Variants in FGD3 observed in about 807,000 individuals in gnomAD.
The protein encoded by FGD3 is FYVE, RhoGEF and PH domain-containing protein 3.
Under a neutral mutation model 71.8 loss-of-function variants are expected in FGD3, and 45 were observed. The ratio of observed to expected loss-of-function variants is 0.63; its 90% CI spans 0.49 to 0.80. The LOEUF (loss-of-function observed/expected upper bound fraction) is 0.80. Among genes scored for constraint, FGD3 ranks in the 30% least tolerant of loss-of-function variants. FGD3 has a pLI of 0.00. For missense variants in FGD3, 844 were observed against 951.5 expected (o/e 0.89, Z 1.49); for synonymous variants, 378 against 392.8 (o/e 0.96, Z 0.44).
chr9:93,018,292 AT>A, intron 11 of FGD3, 77 bp downstream of exon 11: 1 of 1,316,266 alleles, frequency 7.6e-7, no homozygotes, highest in Non-Finnish European at 1.1e-6. Flanking sequence ...CTTGTAATAT[AT>A]TTTTATTTAT....
intron 6 of FGD3, among the ~76,000 whole-genome samples, chr9:93,006,646 G>C (rs1210713175): frequency 6.6e-6 from 1 of 152,076 alleles, no homozygotes; most frequent in African/African-American, 2.4e-5. Context: ...TGATTCACAA[G>C]GCTTTTATAT....
At chr9:92,968,137 A>G (rs1207569954) in intron 1 of FGD3, among the ~76,000 whole-genome samples, 1 of 152,112 alleles carries the variant, frequency 6.6e-6, no homozygotes, top group Admixed American at 6.5e-5. Flanking sequence ...CATCCTTGGG[A>G]GAGGTAGATA....
intron 3 of FGD3, among the ~76,000 whole-genome samples, chr9:92,996,832 G>A (rs1050843097): frequency 1.3e-5 from 2 of 152,202 alleles, no homozygotes; most frequent in Admixed American, 1.3e-4. Flanking sequence ...TTGCACTGTG[G>A]TCTGAGAGAC....
chr9:92,986,513 C>T (rs1338262233), intron 3 of FGD3, among the ~76,000 whole-genome samples: 1 of 152,218 alleles, frequency 6.6e-6, no homozygotes, highest in Non-Finnish European at 1.5e-5. Context: ...ACAAAAATAG[C>T]AGCCCTTCCA....
intron 3 of FGD3, among the ~76,000 whole-genome samples, chr9:92,991,938 GTCT>G (rs1294930718): frequency 2.0e-5 from 3 of 152,060 alleles, no homozygotes; most frequent in African/African-American, 7.2e-5. Flanking sequence ...TTGACTTGAA[GTCT>G]TCTTCGTCTG....
chr9:92,982,680 A>G (rs1860042583), intron 3 of FGD3, among the ~76,000 whole-genome samples: 1 of 151,732 alleles, frequency 6.6e-6, no homozygotes, highest in Non-Finnish European at 1.5e-5. Flanking sequence ...TGAACATTTC[A>G]GCTCTCCATA....
intron 3 of FGD3, among the ~76,000 whole-genome samples, chr9:92,978,305 A>T (rs568491828): frequency 4.1e-4 from 63 of 152,076 alleles, no homozygotes; most frequent in African/African-American, 1.4e-3. Context: ...AAAAAGAATA[A>T]ACTATATTCT....
In FGD3 at chr9:92,978,010, C is replaced by T. The variant is rs578093827; in HGVS notation, c.453+1301C>T. ...GAATAAACTATATTCTGGCTGGGCGCGGTGGCTCACGCCTATAATCCTAGC... is the reference window on the plus strand; with the variant it reads ...GAATAAACTATATTCTGGCTGGGCGTGGTGGCTCACGCCTATAATCCTAGC... On this transcript the variant is annotated intron_variant, in intron 3 of 17. Transcript: ENST00000375482. 4.6e-5 allele frequency among the ~76,000 whole-genome samples: 7 copies of T among 152,252 alleles called. No individual in the cohort carries two copies. The East Asian group carries it at 5.8e-4, about 13-fold the overall frequency.
chr9:93,032,004 T>G (rs1003624339), intron 15 of FGD3, among the ~76,000 whole-genome samples: 1 of 152,202 alleles, frequency 6.6e-6, no homozygotes, highest in Non-Finnish European at 1.5e-5. Flanking sequence ...GAAAAGTCAC[T>G]GAGGAGCACT....
At chr9:93,016,996 C>T (rs1017757441) in intron 10 of FGD3, among the ~76,000 whole-genome samples, 8 of 152,198 alleles carry the variant, frequency 5.3e-5, no homozygotes, top group Non-Finnish European at 8.8e-5. Context: ...CACGTAGTTT[C>T]GCTGGCTCAC....
In FGD3 at chr9:93,022,308, G is replaced by T; in HGVS notation, c.1495-19G>T. ...TGGCCCTGGAATCTCCTCTCACTCGGCCTCTGTGTCCCTTCTAGATCACGA... is the reference window on the plus strand; with the variant it reads ...TGGCCCTGGAATCTCCTCTCACTCGTCCTCTGTGTCCCTTCTAGATCACGA... On this transcript the variant is annotated intron_variant, in intron 13 of 17. Transcript: ENST00000375482. The T allele has an allele frequency of 6.2e-7, 1 of 1,606,748 alleles. No homozygotes were observed.
At chr9:93,028,603 G>C (rs1291394191) in intron 14 of FGD3, among the ~76,000 whole-genome samples, 2 of 152,206 alleles carry the variant, frequency 1.3e-5, no homozygotes, top group African/African-American at 4.8e-5. Flanking sequence ...TCAAATGATG[G>C]GGCCTTTCCA....
At chr9:92,965,366 T>C (rs1165138379) in intron 1 of FGD3, among the ~76,000 whole-genome samples, 2 of 152,218 alleles carry the variant, frequency 1.3e-5, no homozygotes, top group South Asian at 2.1e-4. Flanking sequence ...TGACTTGCCC[T>C]GGGCCCCCCA....
At chr9:92,949,722 G>A (rs78450466) in intron 1 of FGD3, among the ~76,000 whole-genome samples, 12,312 of 152,164 alleles carry the variant, frequency 0.081, 665 homozygotes, top group East Asian at 0.24. Flanking sequence ...GAGGCGAGGT[G>A]CTTGTGTGTG....
At chr9:93,034,307 C>T in intron 16 of FGD3, 1 of 482,850 alleles carries the variant, frequency 2.1e-6, no homozygotes, top group Non-Finnish European at 3.6e-6. Flanking sequence ...ATGCCCTCCC[C>T]TTGGAGGGCC....
In FGD3 at chr9:93,034,637, C is replaced by A; in HGVS notation, c.1882C>A (p.Pro628Thr). 1.9e-6 allele frequency: 3 copies of A among 1,613,456 alleles called. No individual in the cohort carries two copies. Among genetic ancestry groups the A allele is most frequent in the Non-Finnish European group, 2.5e-6 (3 of 1,179,836 alleles). Residue 628 changes from proline to threonine, a missense_variant, in exon 17 of 18, where the codon CCC (proline) becomes ACC (threonine). Coordinates refer to ENST00000375482, the MANE Select transcript of FGD3 (RefSeq NM_001083536.2). ...ETWSEVWAAIPMSDPQVLHLQ... is the reference protein window; with the variant it reads ...ETWSEVWAAITMSDPQVLHLQ... ...CTGGAGCGAGGTGTGGGCCGCCATC[C>A]CCATGTCAGATCCCCAGGTGCTGCA... is the stretch of plus-strand genomic sequence containing the variant.
chr9:92,995,421 C>G (rs1032027763), intron 3 of FGD3, among the ~76,000 whole-genome samples: 3 of 152,190 alleles, frequency 2.0e-5, no homozygotes, highest in African/African-American at 7.2e-5. Context: ...CATCTGCAAA[C>G]AGGGACAATT....
At chr9:92,964,535 G>C (rs550844989) in intron 1 of FGD3, among the ~76,000 whole-genome samples, 1 of 152,312 alleles carries the variant, frequency 6.6e-6, no homozygotes, top group Non-Finnish European at 1.5e-5. Flanking sequence ...GTCTTTCTCT[G>C]GGTTCCTGTA....
intron 1 of FGD3, among the ~76,000 whole-genome samples, chr9:92,966,137 C>T (rs1859317005): frequency 6.6e-6 from 1 of 152,232 alleles, no homozygotes; most frequent in African/African-American, 2.4e-5. Flanking sequence ...GCCTTCTTCT[C>T]TGCAGATATT....
Sources: gnomAD v4.1 joint callset for allele counts (sites outside exome capture counted in the v4.1 genomes callset) on GRCh38, gnomAD v4.1.1 for gene constraint, MANE v1.5 for transcripts, NCBI Gene and HGNC (gene_info 2026-07-23, HGNC 2026-07-21) for gene names.